The following SLC35F4 variants were observed in gnomAD, a reference collection of about 807,000 sequenced individuals.
SLC35F4 encodes the protein chromosome 14 open reading frame 36.
In SLC35F4, 24 loss-of-function variants were observed where a neutral mutation model predicts 44.2. The observed-to-expected ratio is 0.54, with a 90% confidence interval of 0.39 to 0.76. The LOEUF is 0.76. Ranked by LOEUF, SLC35F4 falls within the 30% of genes least tolerant of loss-of-function variation. The probability of loss-of-function intolerance (pLI) is 0.00; values close to 1 mark genes in which losing one functional copy is unlikely to be tolerated. For missense variants in SLC35F4, 562 were observed against 586.1 expected (o/e 0.96, Z 0.42); for synonymous variants, 238 against 223.6 (o/e 1.06, Z -0.57).
At chr14:57,682,930 C>G (rs1264482770) in intron 1 of SLC35F4, among the ~76,000 whole-genome samples, 1 of 152,166 alleles carries the variant, frequency 6.6e-6, no homozygotes, top group Non-Finnish European at 1.5e-5. Flanking sequence ...AGTCCAAACA[C>G]TTCATTCCAC....
intron 5 of SLC35F4, 112 bp downstream of exon 5, chr14:57,571,782 T>C: frequency 7.2e-7 from 1 of 1,390,260 alleles, no homozygotes; most frequent in Non-Finnish European, 9.5e-7. Flanking sequence ...TTACTATTAT[T>C]TCAACACATC....
intron 1 of SLC35F4, among the ~76,000 whole-genome samples, chr14:57,940,254 C>T (rs1420554944): frequency 1.3e-5 from 2 of 151,928 alleles, no homozygotes; most frequent in African/African-American, 4.8e-5. Context: ...AAATTGACTC[C>T]AAAGCAATTC....
At chr14:57,737,775 T>C (rs184787904) in intron 1 of SLC35F4, among the ~76,000 whole-genome samples, 45 of 152,284 alleles carry the variant, frequency 3.0e-4, no homozygotes, top group Admixed American at 1.6e-3. Flanking sequence ...GGCAGAGCAA[T>C]TGGAACAAAA....
upstream of SLC35F4, among the ~76,000 whole-genome samples, chr14:57,982,866 C>A (rs547660845): frequency 1.3e-5 from 2 of 152,122 alleles, no homozygotes; most frequent in African/African-American, 4.8e-5. Context: ...ATGGGCCTCA[C>A]CCGCATTGAG....
intron 1 of SLC35F4, among the ~76,000 whole-genome samples, chr14:57,979,560 A>G (rs910687702): frequency 9.9e-5 from 15 of 152,200 alleles, no homozygotes; most frequent in African/African-American, 3.4e-4. Context: ...TAGACCATGC[A>G]AAGAATACTC....
At chr14:57,907,125 T>C (rs763200292) in intron 1 of SLC35F4, among the ~76,000 whole-genome samples, 2 of 152,204 alleles carry the variant, frequency 1.3e-5, no homozygotes, top group Non-Finnish European at 2.9e-5. Flanking sequence ...CTTGCTCTGT[T>C]GTCCAGGCTG....
At chr14:57,864,386 GAAT>G (rs1334050932) in intron 1 of SLC35F4, among the ~76,000 whole-genome samples, 1 of 152,142 alleles carries the variant, frequency 6.6e-6, no homozygotes, top group Non-Finnish European at 1.5e-5. Flanking sequence ...TATGGAAAAT[GAAT>G]AATTTAAGCC....
chr14:57,742,954 A>G (rs1210936762), intron 1 of SLC35F4, among the ~76,000 whole-genome samples: 1 of 152,222 alleles, frequency 6.6e-6, no homozygotes, highest in East Asian at 1.9e-4. Flanking sequence ...AATGTGAACA[A>G]CCTGCTCCTG....
At chr14:57,580,706 C>T (rs1475472250) in intron 4 of SLC35F4, among the ~76,000 whole-genome samples, 1 of 152,046 alleles carries the variant, frequency 6.6e-6, no homozygotes, top group Non-Finnish European at 1.5e-5. Context: ...CTGCATTAGT[C>T]ACACTAGATA....
chr14:57,900,201 C>T (rs1409365187), intron 1 of SLC35F4, among the ~76,000 whole-genome samples: 1 of 152,182 alleles, frequency 6.6e-6, no homozygotes, highest in Non-Finnish European at 1.5e-5. Context: ...TCCAAGGCCC[C>T]ACTGGGGACC....
intron 1 of SLC35F4, among the ~76,000 whole-genome samples, chr14:57,770,354 A>C (rs1334494407): frequency 6.6e-6 from 1 of 152,134 alleles, no homozygotes; most frequent in Non-Finnish European, 1.5e-5. Flanking sequence ...GCAGCATTTG[A>C]GGTTGTTTCG....
At chr14:57,726,481 C>G (rs1368376003) in intron 1 of SLC35F4, among the ~76,000 whole-genome samples, 3 of 152,202 alleles carry the variant, frequency 2.0e-5, no homozygotes, top group African/African-American at 7.2e-5. Context: ...TGCATATATA[C>G]ACTTGTACTA....
At chr14:57,865,233 C>A (rs1321562803) in intron 1 of SLC35F4, among the ~76,000 whole-genome samples, 1 of 152,160 alleles carries the variant, frequency 6.6e-6, no homozygotes, top group Admixed American at 6.5e-5. Flanking sequence ...AACGAGCTGA[C>A]CCCACCAGCG....
At chr14:57,746,642 A>C (rs1264260035) in intron 1 of SLC35F4, among the ~76,000 whole-genome samples, 1 of 152,156 alleles carries the variant, frequency 6.6e-6, no homozygotes, top group Non-Finnish European at 1.5e-5. Context: ...AGTTTTTAAA[A>C]ATAAAAAAGT....
At chr14:57,691,940 C>T (rs962692715) in intron 1 of SLC35F4, among the ~76,000 whole-genome samples, 2 of 152,000 alleles carry the variant, frequency 1.3e-5, no homozygotes, top group South Asian at 2.1e-4. Flanking sequence ...CCAGAGTGAA[C>T]AAAGTTCAGA....
intron 4 of SLC35F4, among the ~76,000 whole-genome samples, chr14:57,578,385 T>G (rs995010683): frequency 1.6e-5 from 2 of 128,522 alleles, no homozygotes; most frequent in Non-Finnish European, 3.2e-5. Context: ...TGGGATGACA[T>G]CTGGAGGGGC....
chr14:57,567,253 CA>C (rs1245773984), intron 6 of SLC35F4, among the ~76,000 whole-genome samples: 1 of 152,152 alleles, frequency 6.6e-6, no homozygotes, highest in Non-Finnish European at 1.5e-5. Context: ...TAAAACTTAT[CA>C]AAAACACATT....
chr14:57,569,659 G>T, intron 6 of SLC35F4, 129 bp downstream of exon 6: 1 of 1,066,064 alleles, frequency 9.4e-7, no homozygotes, highest in Non-Finnish European at 1.3e-6. Flanking sequence ...CATGACCAAC[G>T]ACATTGAACA....
At chr14:57,665,833 A>G (rs973743825) in intron 1 of SLC35F4, among the ~76,000 whole-genome samples, 60 of 152,214 alleles carry the variant, frequency 3.9e-4, no homozygotes, top group Admixed American at 1.4e-3. Flanking sequence ...TTGCATGGAC[A>G]TGGATGGAGC....
Sources: gnomAD v4.1 joint callset for allele counts (sites outside exome capture counted in the v4.1 genomes callset) on GRCh38, gnomAD v4.1.1 for gene constraint, MANE v1.5 for transcripts, NCBI Gene and HGNC (gene_info 2026-07-23, HGNC 2026-07-21) for gene names.